Variants in ECT2 observed in about 807,000 individuals in gnomAD.
The protein encoded by ECT2 is epithelial cell transforming 2.
ECT2 carries 61 observed loss-of-function variants against 116.9 expected under a neutral mutation model. The observed-to-expected ratio is 0.52, with a 90% CI of 0.42 to 0.65. The LOEUF (loss-of-function observed/expected upper bound fraction) is 0.65. Among genes scored for constraint, ECT2 ranks in the 30% least tolerant of loss-of-function variants. The probability of loss-of-function intolerance (pLI) is 0.00; values close to 1 mark genes in which losing one functional copy is unlikely to be tolerated. For missense variants in ECT2, 937 were observed against 1,078.7 expected (o/e 0.87, Z 1.84); for synonymous variants, 358 against 346.4 (o/e 1.03, Z -0.37).
chr3:172,784,362 T>C (rs1214056789), intron 16 of ECT2, among the ~76,000 whole-genome samples: 1 of 152,194 alleles, frequency 6.6e-6, no homozygotes, highest in East Asian at 1.9e-4. Flanking sequence ...GTTTTGCTTT[T>C]AATGATTTTT....
chr3:172,802,556 T>G, intron 18 of ECT2, 60 bp from the exon 19 acceptor site: 3 of 1,013,352 alleles, frequency 3.0e-6, no homozygotes, highest in Non-Finnish European at 4.4e-6. Flanking sequence ...GTGACATGAG[T>G]TGTGTTTGTT....
rs1723141728 is a variant in ECT2 at position 172,783,822 on chromosome 3, C to T, written c.1641C>T (p.Tyr547=). Residue 547 remains tyrosine, a synonymous_variant, in exon 16 of 25, where the codon TAC becomes TAT. Transcript: ENST00000392692. ...LKYSKDLVKT[Y]PPFVNFFEMS... ...AGTCAAAAGATTTGGTAAAAACCTACCCTCCCTTTGTAAACTTCTTTGAAA... is the reference window on the plus strand; with the variant it reads ...AGTCAAAAGATTTGGTAAAAACCTATCCTCCCTTTGTAAACTTCTTTGAAA... The T allele has an allele frequency of 1.2e-6, 2 of 1,602,966 alleles. No individual in the cohort carries two copies. Among genetic ancestry groups the T allele is most frequent in the Admixed American group, 1.7e-5 (1 of 58,406 alleles).
At chr3:172,764,635 GAC>G in intron 12 of ECT2, 135 bp downstream of exon 12, 3 of 772,358 alleles carry the variant, frequency 3.9e-6, no homozygotes, top group Non-Finnish European at 6.2e-6. Flanking sequence ...GTAGAGAAAA[GAC>G]ACATGAATAG....
At position 172,786,486 on chromosome 3, in the gene ECT2, AT is replaced by A; in HGVS notation, c.1826-5del. ...TTATGCATGGAAAAAACATTGTATT[AT>A]TACAGATCTTAAGAAGCATACAGCT... On this transcript the variant is annotated splice_region_variant and splice_polypyrimidine_tract_variant and intron_variant, in intron 17 of 24. Transcript: ENST00000392692. 6.3e-7 allele frequency: 1 copy of A among 1,591,142 alleles called. No individual in the cohort carries two copies. The highest frequency in any genetic ancestry group is 1.7e-5 in the Admixed American group (1 of 58,432).
chr3:172,758,963 ATTG>A lies in ECT2; in HGVS notation c.487-12_487-10del, dbSNP rs768593838. On this transcript the variant is annotated splice_polypyrimidine_tract_variant and intron_variant, in intron 5 of 24. Transcript: ENST00000392692. ...ACTAAAGAGAAAGCTCACATTTAAA[ATTG>A]TTGTATCCTTCAGCCTTTGCCATTT... 2.1e-5 allele frequency: 34 copies of A among 1,585,884 alleles called. No individual in the cohort carries two copies. The highest frequency in any genetic ancestry group is 2.7e-5 in the Non-Finnish European group (31 of 1,161,638).
intron 6 of ECT2, among the ~76,000 whole-genome samples, chr3:172,759,637 G>T (rs923217585): frequency 9.2e-5 from 14 of 151,926 alleles, no homozygotes; most frequent in Non-Finnish European, 1.6e-4. Context: ...GTAGAGATGG[G>T]GTTTCACCGT....
At chr3:172,770,005 T>C (rs1346086260) in intron 13 of ECT2, among the ~76,000 whole-genome samples, 2 of 152,224 alleles carry the variant, frequency 1.3e-5, no homozygotes, top group Non-Finnish European at 2.9e-5. Context: ...TTTAAGTTGC[T>C]TGTACCATTG....
At chr3:172,764,252 T>C (rs760472265) in intron 11 of ECT2, 26 bp from the exon 12 acceptor site, 18 of 1,593,890 alleles carry the variant, frequency 1.1e-5, no homozygotes, top group East Asian at 2.2e-5. Flanking sequence ...TGGAAGTAAA[T>C]TGAGCTTGTG....
chr3:172,783,211 G>C (rs533554252), intron 15 of ECT2, among the ~76,000 whole-genome samples: 1 of 152,136 alleles, frequency 6.6e-6, no homozygotes, highest in Non-Finnish European at 1.5e-5. Flanking sequence ...GTAAGTTTCA[G>C]TGCCTTGAGT....
intron 18 of ECT2, among the ~76,000 whole-genome samples, chr3:172,799,893 AC>A (rs1440362900): frequency 6.6e-6 from 1 of 152,224 alleles, no homozygotes; most frequent in African/African-American, 2.4e-5. Flanking sequence ...TATGGAATTA[AC>A]AAGATGGAAC....
At chr3:172,766,425 G>T (rs1348756556) in intron 12 of ECT2, among the ~76,000 whole-genome samples, 1 of 152,200 alleles carries the variant, frequency 6.6e-6, no homozygotes, top group Non-Finnish European at 1.5e-5. Flanking sequence ...TGATTGAATA[G>T]ATAATTCATA....
At chr3:172,789,219 TG>T (rs945544855) in intron 18 of ECT2, among the ~76,000 whole-genome samples, 17 of 106,868 alleles carry the variant, frequency 1.6e-4, no homozygotes, top group South Asian at 9.7e-4. Context: ...TCTCTTTTTT[TG>T]TTTTTTTTTT....
intron 2 of ECT2, 25 bp from the exon 3 acceptor site, chr3:172,755,270 A>G (rs1284321792): frequency 7.8e-6 from 12 of 1,545,138 alleles, no homozygotes; most frequent in Non-Finnish European, 1.0e-5. Flanking sequence ...CATGATAAAC[A>G]TTGAAACATT....
chr3:172,818,164 G>C (rs1310894904), intron 24 of ECT2, among the ~76,000 whole-genome samples: 1 of 152,056 alleles, frequency 6.6e-6, no homozygotes. Flanking sequence ...AAAGTCTTCA[G>C]TTAACACATC....
Position 172,754,714 on chromosome 3 carries a change from A to C in ECT2, c.130+54A>C, listed in dbSNP as rs199950814. 2.4e-4 allele frequency: 331 copies of C among 1,365,886 alleles called. 4 individuals carry two copies. In the East Asian group the frequency reaches 7.7e-3, roughly 32 times the overall value. The allele number at this position is 1,365,886 out of a possible 1,614,324, so 84.6% of individuals were successfully genotyped here. A position where few individuals can be genotyped will look rare whatever the true frequency, so the allele number is the denominator to read the frequency against. ...CAATTTCTATTTTAATTCTAAACTT[A>C]TTAGTGACTTTCTTAAGATTTAATT... On this transcript the variant is annotated intron_variant, in intron 2 of 24. Coordinates refer to ENST00000392692, the MANE Select transcript of ECT2 (RefSeq NM_001258315.2).
intron 14 of ECT2, among the ~76,000 whole-genome samples, chr3:172,776,274 T>G (rs968187607): frequency 2.7e-5 from 4 of 149,988 alleles, no homozygotes; most frequent in Non-Finnish European, 5.9e-5. Flanking sequence ...CAACTATTTG[T>G]TTTTTTTAGC....
At chr3:172,802,238 C>T (rs182756474) in intron 18 of ECT2, among the ~76,000 whole-genome samples, 3 of 151,932 alleles carry the variant, frequency 2.0e-5, no homozygotes, top group Non-Finnish European at 2.9e-5. Flanking sequence ...CCTCAGCCGC[C>T]GAGTAGCTGG....
At chr3:172,771,943 C>G (rs61246658) in intron 13 of ECT2, among the ~76,000 whole-genome samples, 1 of 152,022 alleles carries the variant, frequency 6.6e-6, no homozygotes, top group Non-Finnish European at 1.5e-5. Flanking sequence ...AATAACTGTT[C>G]GTGTTTTTTG....
chr3:172,828,936 C>T, the ECT2 span: 1 of 1,467,574 alleles, frequency 6.8e-7, no homozygotes, highest in Non-Finnish European at 9.4e-7. Context: ...CCTGAACCAG[C>T]CACACCAACT....
Sources: allele counts gnomAD v4.1 joint callset (sites outside exome capture counted in the v4.1 genomes callset), GRCh38; gene constraint gnomAD v4.1.1; transcripts MANE v1.5; gene names NCBI Gene and HGNC (gene_info 2026-07-23, HGNC 2026-07-21).